The following SWT1 variants were observed in gnomAD, a reference collection of about 807,000 sequenced individuals.
SWT1 encodes the protein SWT1 RNA endoribonuclease homolog.
In SWT1, 33 loss-of-function variants were observed where a neutral mutation model predicts 107.3. That is an observed-to-expected ratio of 0.31 (90% CI 0.23 to 0.41). The LOEUF is 0.41. SWT1 is among the 10% of genes least tolerant of loss of function. The probability of loss-of-function intolerance (pLI) is 1.00; values close to 1 mark genes in which losing one functional copy is unlikely to be tolerated. For missense variants in SWT1, 898 were observed against 1,028.9 expected, an observed-to-expected ratio of 0.87 and a Z score of 1.74; for synonymous variants, 345 against 348.3, an observed-to-expected ratio of 0.99 and a Z score of 0.11.
intron 11 of SWT1, 73 bp from the exon 12 acceptor site, chr1:185,204,627 G>A: frequency 2.9e-6 from 2 of 701,412 alleles, no homozygotes; most frequent in Non-Finnish European, 4.6e-6. Context: ...ACTGTTTATG[G>A]CAATATACTA....
chr1:185,241,686 G>T (rs1372651795), intron 16 of SWT1, among the ~76,000 whole-genome samples: 1 of 152,082 alleles, frequency 6.6e-6, no homozygotes, highest in Non-Finnish European at 1.5e-5. Flanking sequence ...ATAGTAGATG[G>T]TCAGTAAGTG....
At chr1:185,200,121 T>G (rs1657747188) in intron 10 of SWT1, among the ~76,000 whole-genome samples, 1 of 152,164 alleles carries the variant, frequency 6.6e-6, no homozygotes, top group Admixed American at 6.5e-5. Context: ...TTCTCCGAAT[T>G]GGTTATTATA....
At position 185,290,100 on chromosome 1, in the gene SWT1, C is replaced by CA. The variant is rs1001876511; in HGVS notation, c.2574-564dup. ...CAACATAGTGAGACCCTGTCTCTACCAAAAAAAAAAGCAAAACAAAACAAA... is the reference window on the plus strand; with the variant it reads ...CAACATAGTGAGACCCTGTCTCTACCAAAAAAAAAAAGCAAAACAAAACAAA... On this transcript the variant is annotated intron_variant, in intron 18 of 18. Coordinates refer to ENST00000367500, the MANE Select transcript of SWT1 (RefSeq NM_017673.7). Among the ~76,000 whole-genome samples, 1,280 of 142,270 alleles carry CA rather than the reference C, an allele frequency of 9.0e-3. 21 individuals carry two copies. The highest frequency in any genetic ancestry group is 0.01 in the Non-Finnish European group (656 of 64,590). 93.3% of individuals were successfully genotyped at this position (142,270 alleles called of 152,430 possible).
intron 15 of SWT1, chr1:185,227,142 TC>T: frequency 1.6e-6 from 2 of 1,220,814 alleles, no homozygotes; most frequent in Non-Finnish European, 2.4e-6. Flanking sequence ...TTCCTTGCTT[TC>T]AGAATCATAA....
intron 16 of SWT1, among the ~76,000 whole-genome samples, chr1:185,259,346 G>C (rs1206445390): frequency 6.6e-6 from 1 of 152,130 alleles, no homozygotes; most frequent in Admixed American, 6.5e-5. Context: ...ATCAATAGGT[G>C]CAGGAATAAA....
rs556045298 is a variant in SWT1 at position 185,208,294 on chromosome 1, CTT to C, written c.1972+1533_1972+1534del. Among the ~76,000 whole-genome samples, 657 of 152,184 alleles carry C rather than the reference CTT, an allele frequency of 4.3e-3. 4 individuals carry two copies. The highest frequency in any genetic ancestry group is 6.9e-3 in the Non-Finnish European group (468 of 68,010). On this transcript the variant is annotated intron_variant, in intron 13 of 18. Transcript: ENST00000367500. ...CTGTCTTTTCCTTGAAGTGTAAACT[CTT>C]TGAAAATGAGTTGTTCTCAGAGGAG...
At chr1:185,208,604 T>C (rs1658515534) in intron 13 of SWT1, among the ~76,000 whole-genome samples, 1 of 152,190 alleles carries the variant, frequency 6.6e-6, no homozygotes, top group Non-Finnish European at 1.5e-5. Context: ...AAACATCACA[T>C]TGTACTCCAT....
At chr1:185,253,330 G>T (rs1345333518) in intron 16 of SWT1, among the ~76,000 whole-genome samples, 1 of 151,122 alleles carries the variant, frequency 6.6e-6, no homozygotes, top group Non-Finnish European at 1.5e-5. Context: ...AAAGGCATTG[G>T]TAGCTTGATG....
intron 7 of SWT1, 47 bp from the exon 8 acceptor site, chr1:185,184,196 A>G (rs1309799679): frequency 1.0e-6 from 1 of 974,558 alleles, no homozygotes; most frequent in Non-Finnish European, 1.6e-6. Flanking sequence ...TAGTCATTAT[A>G]TAAGTCTGTT....
intron 16 of SWT1, among the ~76,000 whole-genome samples, chr1:185,265,134 T>G (rs1310082377): frequency 6.6e-6 from 1 of 152,162 alleles, no homozygotes; most frequent in Non-Finnish European, 1.5e-5. Flanking sequence ...GTTTTTATGT[T>G]TAATAGTTAT....
At chr1:185,257,325 G>C (rs1466122660) in intron 16 of SWT1, among the ~76,000 whole-genome samples, 1 of 152,186 alleles carries the variant, frequency 6.6e-6, no homozygotes, top group Non-Finnish European at 1.5e-5. Flanking sequence ...CGAGCTTCCT[G>C]GCTGCTTTGT....
intron 16 of SWT1, among the ~76,000 whole-genome samples, chr1:185,239,234 C>G (rs1000049459): frequency 2.0e-5 from 3 of 152,098 alleles, no homozygotes; most frequent in Non-Finnish European, 2.9e-5. Context: ...GTCACAGTTT[C>G]TTTCCTTGTT....
At chr1:185,203,830 A>T (rs1302750986) in intron 11 of SWT1, among the ~76,000 whole-genome samples, 1 of 152,156 alleles carries the variant, frequency 6.6e-6, no homozygotes, top group African/African-American at 2.4e-5. Context: ...ATAGTCATAT[A>T]TACATATATA....
chr1:185,261,223 CT>C (rs1029802278), intron 16 of SWT1, among the ~76,000 whole-genome samples: 7 of 152,080 alleles, frequency 4.6e-5, no homozygotes, highest in Non-Finnish European at 1.0e-4. Flanking sequence ...AATTTGACTA[CT>C]TTAGGTACCT....
chr1:185,282,601 T>C (rs1664703576), intron 18 of SWT1, among the ~76,000 whole-genome samples: 1 of 152,108 alleles, frequency 6.6e-6, no homozygotes, highest in Non-Finnish European at 1.5e-5. Context: ...GGAGTTGTTG[T>C]GGGAACCCTC....
intron 10 of SWT1, among the ~76,000 whole-genome samples, chr1:185,194,417 T>C (rs1283234423): frequency 6.6e-6 from 1 of 152,172 alleles, no homozygotes; most frequent in Non-Finnish European, 1.5e-5. Flanking sequence ...TATTTACTTA[T>C]TTATACTTTT....
chr1:185,175,724 A>G (rs1655489267), intron 5 of SWT1, among the ~76,000 whole-genome samples: 1 of 152,178 alleles, frequency 6.6e-6, no homozygotes, highest in South Asian at 2.1e-4. Flanking sequence ...TAGTCCTTTG[A>G]AAAAAGCATT....
chr1:185,286,975 T>G (rs1015893272), intron 18 of SWT1, among the ~76,000 whole-genome samples: 9 of 152,202 alleles, frequency 5.9e-5, no homozygotes, highest in Non-Finnish European at 1.5e-5. Flanking sequence ...TGCTTTTATA[T>G]TTGTATTTTA....
intron 7 of SWT1, among the ~76,000 whole-genome samples, chr1:185,182,760 CA>C (rs1276267207): frequency 1.3e-5 from 2 of 148,938 alleles, no homozygotes; most frequent in Non-Finnish European, 3.0e-5. Flanking sequence ...AAATTTTGAT[CA>C]TTTTTTTTGC....
Sources: gnomAD v4.1 joint callset for allele counts (sites outside exome capture counted in the v4.1 genomes callset) on GRCh38, gnomAD v4.1.1 for gene constraint, MANE v1.5 for transcripts, NCBI Gene and HGNC (gene_info 2026-07-23, HGNC 2026-07-21) for gene names.